Variants in ESRRG observed in about 807,000 individuals in gnomAD.
ESRRG encodes estrogen related receptor gamma, also known as estrogen-related receptor gamma.
ESRRG carries 13 observed loss-of-function variants against 44.0 expected under a neutral mutation model. That is an observed-to-expected ratio of 0.30 (90% CI 0.19 to 0.47). ESRRG has a LOEUF of 0.47. Among genes scored for constraint, ESRRG ranks in the 20% least tolerant of loss-of-function variants. The probability of loss-of-function intolerance (pLI) is 1.00; values close to 1 mark genes in which losing one functional copy is unlikely to be tolerated. For missense variants in ESRRG, 395 were observed against 580.6 expected, an observed-to-expected ratio of 0.68 and a Z score of 3.29; for synonymous variants, 215 against 214.6, an observed-to-expected ratio of 1.00 and a Z score of -0.02.
At chr1:217,009,862 T>A (rs2150769696) in intron 1 of ESRRG, among the ~76,000 whole-genome samples, 1 of 151,976 alleles carries the variant, frequency 6.6e-6, no homozygotes, top group African/African-American at 2.4e-5. Flanking sequence ...CCTGCCACCG[T>A]ATCTGGCTAA....
chr1:216,973,826 C>CAAA (rs76576502), intron 1 of ESRRG, among the ~76,000 whole-genome samples: 2 of 116,460 alleles, frequency 1.7e-5, no homozygotes, highest in East Asian at 2.2e-4. Context: ...AACTCTGTCT[C>CAAA]AAAAAAAAAA....
chr1:216,678,581 C>T (rs890839025), intron 1 of ESRRG, among the ~76,000 whole-genome samples: 4 of 152,196 alleles, frequency 2.6e-5, no homozygotes, highest in African/African-American at 9.6e-5. Flanking sequence ...ATCCCTTTTT[C>T]TTTGTTGTTC....
chr1:216,544,560 T>C (rs2149308964), intron 5 of ESRRG, among the ~76,000 whole-genome samples: 1 of 152,156 alleles, frequency 6.6e-6, no homozygotes, highest in African/African-American at 2.4e-5. Context: ...TCATGCAGGC[T>C]CCCTTACTTT....
rs77563655 is a variant in ESRRG, at chr1:216,918,124, A to T, written c.-14+21458T>A. 9.9e-3 allele frequency among the ~76,000 whole-genome samples: 1,505 copies of T among 152,314 alleles called. 26 individuals carry two copies. The highest frequency in any genetic ancestry group is 0.035 in the African/African-American group (1,448 of 41,558). ...ATGATGCTAGAACATGTTTTGCGAA[A>T]TTTAAAATCTACAAAGGCATTTGTA... On this transcript the variant is annotated intron_variant, in intron 2 of 7. Coordinates refer to the ESRRG transcript ENST00000359162.
chr1:217,089,112 T>C (rs888324486), intron 1 of ESRRG, among the ~76,000 whole-genome samples: 3 of 151,990 alleles, frequency 2.0e-5, no homozygotes, highest in Admixed American at 6.6e-5. Flanking sequence ...CGACCCCTGC[T>C]CCATATCCCC....
At chr1:216,848,288 C>T (rs2095790396) in intron 2 of ESRRG, among the ~76,000 whole-genome samples, 1 of 152,018 alleles carries the variant, frequency 6.6e-6, no homozygotes, top group African/African-American at 2.4e-5. Flanking sequence ...TGGGAAGAGA[C>T]ACCAGAAAGA....
At chr1:216,860,709 C>T (rs1328368696) in intron 2 of ESRRG, among the ~76,000 whole-genome samples, 3 of 152,030 alleles carry the variant, frequency 2.0e-5, no homozygotes, top group Admixed American at 6.6e-5. Flanking sequence ...TGATTCATCG[C>T]AAGCAAAACT....
intron 1 of ESRRG, among the ~76,000 whole-genome samples, chr1:216,971,680 T>C (rs925419431): frequency 6.6e-6 from 1 of 152,212 alleles, no homozygotes; most frequent in Non-Finnish European, 1.5e-5. Context: ...ATATTTATGA[T>C]GCTTCAGGAA....
At chr1:217,091,700 A>T (rs1344587559), upstream of ESRRG, among the ~76,000 whole-genome samples, 1 of 152,180 alleles carries the variant, frequency 6.6e-6, no homozygotes, top group Non-Finnish European at 1.5e-5. Context: ...GAATTGGTGC[A>T]GTCTTGTCGG....
intron 2 of ESRRG, among the ~76,000 whole-genome samples, chr1:216,910,618 T>C (rs2060195822): frequency 6.6e-6 from 1 of 152,156 alleles, no homozygotes; most frequent in African/African-American, 2.4e-5. Context: ...TAGGACACTA[T>C]TGAATAAGTT....
intron 1 of ESRRG, among the ~76,000 whole-genome samples, chr1:217,018,159 T>TCTGC (rs1560487230): frequency 6.6e-6 from 1 of 152,228 alleles, no homozygotes; most frequent in Non-Finnish European, 1.5e-5. Context: ...TCCTAGCTGT[T>TCTGC]CTGCATCTCA....
At chr1:216,694,616 G>T (rs2079745883) in intron 1 of ESRRG, among the ~76,000 whole-genome samples, 1 of 151,542 alleles carries the variant, frequency 6.6e-6, no homozygotes, top group African/African-American at 2.4e-5. Context: ...GAGTGCAGTG[G>T]CGTGATCAGA....
intron 3 of ESRRG, among the ~76,000 whole-genome samples, chr1:216,647,242 G>A (rs998956480): frequency 6.6e-6 from 1 of 152,060 alleles, no homozygotes; most frequent in African/African-American, 2.4e-5. Context: ...ATAATAGATG[G>A]GCTTTCTCTG....
intron 1 of ESRRG, among the ~76,000 whole-genome samples, chr1:217,058,097 G>C (rs1312680656): frequency 6.6e-6 from 1 of 152,106 alleles, no homozygotes; most frequent in Non-Finnish European, 1.5e-5. Flanking sequence ...TTGAAAAGCT[G>C]TGCCACATAT....
At chr1:216,826,257 G>A (rs2095394225) in intron 2 of ESRRG, among the ~76,000 whole-genome samples, 1 of 150,518 alleles carries the variant, frequency 6.6e-6, no homozygotes, top group Non-Finnish European at 1.5e-5. Context: ...GTATGTCAAT[G>A]CACATTAGAT....
intron 1 of ESRRG, among the ~76,000 whole-genome samples, chr1:217,109,809 G>C (rs1204943545): frequency 3.3e-5 from 5 of 152,054 alleles, no homozygotes; most frequent in Non-Finnish European, 5.9e-5. Context: ...GAGTGGAAAA[G>C]AAAGCAAAAA....
At chr1:216,729,725 C>T (rs939989545) in intron 2 of ESRRG, among the ~76,000 whole-genome samples, 4 of 152,126 alleles carry the variant, frequency 2.6e-5, no homozygotes, top group African/African-American at 9.7e-5. Flanking sequence ...AGAGAAATTG[C>T]TTGTACTCCA....
chr1:216,639,488 C>A (rs923911213), intron 3 of ESRRG, among the ~76,000 whole-genome samples: 4 of 152,100 alleles, frequency 2.6e-5, no homozygotes, highest in African/African-American at 7.2e-5. Flanking sequence ...CCTATGGGGG[C>A]AACATGCTGG....
chr1:217,104,478 C>T (rs139747001), intron 1 of ESRRG, among the ~76,000 whole-genome samples: 7 of 152,340 alleles, frequency 4.6e-5, no homozygotes, highest in Admixed American at 2.6e-4. Context: ...GGTAATTCAA[C>T]TATCTGAGCT....
Sources: gnomAD v4.1 joint callset for allele counts (sites outside exome capture counted in the v4.1 genomes callset) on GRCh38, gnomAD v4.1.1 for gene constraint, MANE v1.5 for transcripts, NCBI Gene and HGNC (gene_info 2026-07-23, HGNC 2026-07-21) for gene names.